The following ENOX1 variants were observed in gnomAD, a reference collection of about 807,000 sequenced individuals.
ENOX1 encodes the protein ecto-NOX disulfide-thiol exchanger 1, also known as candidate growth-related and time keeping constitutive hydroquinone (NADH) oxidase.
In ENOX1, 42 loss-of-function variants were observed where a neutral mutation model predicts 82.5. The ratio of observed to expected loss-of-function variants is 0.51; its 90% CI spans 0.40 to 0.66. The LOEUF is 0.66. Among genes scored for constraint, ENOX1 ranks in the 30% least tolerant of loss-of-function variants. The probability of loss-of-function intolerance (pLI) is 0.00; values close to 1 mark genes in which losing one functional copy is unlikely to be tolerated. For missense variants in ENOX1, 608 were observed against 811.6 expected, an observed-to-expected ratio of 0.75 and a Z score of 3.05; for synonymous variants, 271 against 282.2, an observed-to-expected ratio of 0.96 and a Z score of 0.40.
chr13:43,372,129 A>T (rs1306383032), intron 5 of ENOX1, among the ~76,000 whole-genome samples: 1 of 152,214 alleles, frequency 6.6e-6, no homozygotes, highest in Non-Finnish European at 1.5e-5. Context: ...TGAGTCCACA[A>T]TGTCACAACA....
chr13:43,285,810 CA>C (rs11417324), intron 12 of ENOX1, among the ~76,000 whole-genome samples: 10,399 of 67,184 alleles, frequency 0.15, 283 homozygotes, highest in East Asian at 0.44. Context: ...GACTCTGTCT[CA>C]AAAAAAAAAA....
At chr13:43,576,483 T>C (rs1593903241) in intron 2 of ENOX1, among the ~76,000 whole-genome samples, 1 of 152,356 alleles carries the variant, frequency 6.6e-6, no homozygotes, top group Non-Finnish European at 1.5e-5. Context: ...GGCAGCCACA[T>C]GTAGCTATTG....
At chr13:43,417,925 T>C (rs2054725017) in intron 3 of ENOX1, among the ~76,000 whole-genome samples, 1 of 152,146 alleles carries the variant, frequency 6.6e-6, no homozygotes, top group Non-Finnish European at 1.5e-5. Context: ...TTATATGAGG[T>C]AGGCCAGGTG....
chr13:43,645,697 T>G (rs1474578800), intron 2 of ENOX1, among the ~76,000 whole-genome samples: 1 of 150,536 alleles, frequency 6.6e-6, no homozygotes, highest in East Asian at 2.0e-4. Context: ...CTATTCCAAA[T>G]TATTTAGTAG....
At chr13:43,328,164 G>A (rs1175961421) in intron 9 of ENOX1, among the ~76,000 whole-genome samples, 1 of 152,170 alleles carries the variant, frequency 6.6e-6, no homozygotes, top group Non-Finnish European at 1.5e-5. Flanking sequence ...GCCATCAGCT[G>A]ACCACTGATC....
chr13:43,556,235 T>C (rs2079431058), intron 2 of ENOX1, among the ~76,000 whole-genome samples: 1 of 264 alleles, frequency 3.8e-3, no homozygotes, highest in Non-Finnish European at 0.023. Flanking sequence ...CTTGCCCAGT[T>C]TTTTTTTTTT....
chr13:43,345,184 T>C (rs1307917195), intron 8 of ENOX1, among the ~76,000 whole-genome samples: 2 of 152,228 alleles, frequency 1.3e-5, no homozygotes, highest in Non-Finnish European at 1.5e-5. Flanking sequence ...TAGAATCAGC[T>C]GAGTTAGTAT....
At chr13:43,554,529 C>T (rs1299179993) in intron 2 of ENOX1, among the ~76,000 whole-genome samples, 2 of 152,102 alleles carry the variant, frequency 1.3e-5, no homozygotes, top group Non-Finnish European at 2.9e-5. Context: ...CTTGTGTAGC[C>T]AGTACAAAAA....
rs368369211 is a variant in ENOX1 at position 43,412,959 on chromosome 13, G to C, written c.-45C>G. ...GGGGCAGGAACACTTTGATGGCTGA[G>C]TGCAGGGTCCCCTCGGAGGTCATCA... On this transcript the variant is annotated 5_prime_UTR_variant, in exon 4 of 17. Coordinates refer to ENST00000690772, the MANE Select transcript of ENOX1 (RefSeq NM_001347969.2). 1.4e-5 allele frequency: 22 copies of C among 1,611,610 alleles called. No individual in the cohort carries two copies. Among genetic ancestry groups the C allele is most frequent in the African/African-American group, 2.7e-5 (2 of 74,842 alleles).
intron 2 of ENOX1, among the ~76,000 whole-genome samples, chr13:43,518,228 T>C (rs1025655989): frequency 6.6e-6 from 1 of 152,120 alleles, no homozygotes; most frequent in Admixed American, 6.6e-5. Context: ...TTTTATTCAG[T>C]TCATTCTCAG....
chr13:43,349,308 T>G (rs6561120), intron 8 of ENOX1, among the ~76,000 whole-genome samples: 63,613 of 152,048 alleles, frequency 0.42, 13,685 homozygotes, highest in Middle Eastern at 0.53. Flanking sequence ...CAAGGCCCTC[T>G]GCAGTGAGGC....
chr13:43,366,200 G>A (rs2050834897), intron 5 of ENOX1, among the ~76,000 whole-genome samples: 1 of 151,982 alleles, frequency 6.6e-6, no homozygotes, highest in African/African-American at 2.4e-5. Context: ...TTTGTGAACA[G>A]CAGAGGAAAA....
At chr13:43,244,377 A>C (rs2042981066) in intron 14 of ENOX1, among the ~76,000 whole-genome samples, 1 of 152,144 alleles carries the variant, frequency 6.6e-6, no homozygotes, top group Non-Finnish European at 1.5e-5. Context: ...TACTTGGGGT[A>C]CTGAATCCAT....
chr13:43,617,575 T>C (rs554721877), intron 2 of ENOX1, among the ~76,000 whole-genome samples: 71 of 152,370 alleles, frequency 4.7e-4, no homozygotes, highest in African/African-American at 1.7e-3. Context: ...TATGGCTGCA[T>C]AGTATTCCAT....
Position 43,500,698 on chromosome 13 carries a change from T to G in ENOX1, c.-218-16546A>C, listed in dbSNP as rs745339169. Reference sequence around the variant, plus strand: ...CAGACTAATACATAACAATGTATATTGTAATGAAGATGTATAAATTACTTA... The same window carrying G: ...CAGACTAATACATAACAATGTATATGGTAATGAAGATGTATAAATTACTTA... On this transcript the variant is annotated intron_variant, in intron 2 of 16. Coordinates refer to ENST00000690772, the MANE Select transcript of ENOX1 (RefSeq NM_001347969.2). Among the ~76,000 whole-genome samples the G allele has an allele frequency of 5.3e-5, 8 of 152,104 alleles. 1 individual carries two copies. The Middle Eastern group carries it at 0.01, about 194-fold the overall frequency.
chr13:43,297,516 A>C (rs1241186731), intron 12 of ENOX1, among the ~76,000 whole-genome samples: 2 of 152,168 alleles, frequency 1.3e-5, no homozygotes, highest in African/African-American at 4.8e-5. Context: ...TGTTATTCTA[A>C]GGTAACTCAA....
intron 1 of ENOX1, among the ~76,000 whole-genome samples, chr13:43,694,841 C>T (rs1250906361): frequency 1.3e-5 from 2 of 152,132 alleles, no homozygotes; most frequent in African/African-American, 2.4e-5. Flanking sequence ...TGAGACAATC[C>T]TCATTATTGA....
intron 1 of ENOX1, among the ~76,000 whole-genome samples, chr13:43,705,906 A>C (rs1447907481): frequency 6.6e-6 from 1 of 152,128 alleles, no homozygotes; most frequent in Non-Finnish European, 1.5e-5. Flanking sequence ...TTAATGAGAC[A>C]GACTATATAT....
chr13:43,474,794 T>C (rs2058211278), intron 3 of ENOX1, among the ~76,000 whole-genome samples: 2 of 152,110 alleles, frequency 1.3e-5, no homozygotes, highest in South Asian at 2.1e-4. Flanking sequence ...TAAGAAAAAT[T>C]AATATGGACC....
Sources: gnomAD v4.1 joint callset for allele counts (sites outside exome capture counted in the v4.1 genomes callset) on GRCh38, gnomAD v4.1.1 for gene constraint, MANE v1.5 for transcripts, NCBI Gene and HGNC (gene_info 2026-07-23, HGNC 2026-07-21) for gene names.